Variants in ARFGEF1 observed in about 807,000 individuals in gnomAD.
The protein encoded by ARFGEF1 is ARF guanine nucleotide exchange factor 1, also known as brefeldin A-inhibited guanine nucleotide-exchange protein 1.
ARFGEF1 carries 42 observed loss-of-function variants against 231.0 expected under a neutral mutation model. That is an observed-to-expected ratio of 0.18 (90% CI 0.14 to 0.24). The LOEUF (loss-of-function observed/expected upper bound fraction) is 0.24. ARFGEF1 is among the 10% of genes least tolerant of loss of function. The pLI is 1.00. For synonymous variants in ARFGEF1, 710 were observed against 732.3 expected (o/e 0.97, Z 0.49); for missense variants, 1,345 against 2,192.0 (o/e 0.61, Z 7.72).
At chr8:67,223,947 C>T (rs1441339066) in intron 29 of ARFGEF1, among the ~76,000 whole-genome samples, 1 of 152,126 alleles carries the variant, frequency 6.6e-6, no homozygotes, top group Non-Finnish European at 1.5e-5. Context: ...ATTAAAATCC[C>T]TAAGGGTTAA....
intron 7 of ARFGEF1, among the ~76,000 whole-genome samples, chr8:67,285,827 T>A (rs1281341603): frequency 6.6e-6 from 1 of 152,020 alleles, no homozygotes; most frequent in Non-Finnish European, 1.5e-5. Flanking sequence ...AAAGAAACCA[T>A]CCAATAAATC....
chr8:67,222,685 A>G (rs1046059366), intron 29 of ARFGEF1, among the ~76,000 whole-genome samples: 1 of 152,048 alleles, frequency 6.6e-6, no homozygotes, highest in Admixed American at 6.5e-5. Flanking sequence ...TCCTGACCTC[A>G]GATGATCCGC....
At position 67,227,249 on chromosome 8, in the gene ARFGEF1, A is replaced by C. The variant is rs1839405618; in HGVS notation, c.3804T>G (p.Ala1268=). The change falls in exon 27 of 39, where the codon GCT becomes GCG. Residue 1268 remains alanine, a synonymous_variant. Coordinates refer to ENST00000262215, the MANE Select transcript of ARFGEF1 (RefSeq NM_006421.5). The part of the protein sequence containing the change: ...RCIAQMVNSQ[A]ANIRSGWKNI... ...TCTTCCATCCAGATCGAATGTTAGC[A>C]GCTTGAGAATTAACCATCTGTGCTA... 2 of 1,613,206 alleles carry C rather than the reference A, an allele frequency of 1.2e-6. No individual in the cohort carries two copies. The highest frequency in any genetic ancestry group is 1.7e-6 in the Non-Finnish European group (2 of 1,179,302).
chr8:67,217,058 A>G (rs576288815), intron 32 of ARFGEF1, among the ~76,000 whole-genome samples: 33 of 151,796 alleles, frequency 2.2e-4, no homozygotes, highest in African/African-American at 8.0e-4. Context: ...TAATCCCAGC[A>G]CTTTGGGAGG....
At chr8:67,222,225 G>GCA (rs1554636864) in intron 29 of ARFGEF1, among the ~76,000 whole-genome samples, 32 of 64,076 alleles carry the variant, frequency 5.0e-4, no homozygotes, top group African/African-American at 6.3e-4. Flanking sequence ...ATATATATAT[G>GCA]TATATGTATG....
intron 34 of ARFGEF1, among the ~76,000 whole-genome samples, chr8:67,206,805 G>A (rs1429612936): frequency 6.6e-6 from 1 of 152,234 alleles, no homozygotes; most frequent in Non-Finnish European, 1.5e-5. Flanking sequence ...AAAGGGAGCT[G>A]CCTACTAGAC....
chr8:67,230,979 A>T (rs953469428), intron 23 of ARFGEF1, among the ~76,000 whole-genome samples: 2 of 152,114 alleles, frequency 1.3e-5, no homozygotes, highest in African/African-American at 4.8e-5. Context: ...ACCAGAAGCT[A>T]TAAAGAACTA....
intron 1 of ARFGEF1, among the ~76,000 whole-genome samples, chr8:67,307,594 G>A (rs1456674245): frequency 6.6e-6 from 1 of 152,190 alleles, no homozygotes; most frequent in Non-Finnish European, 1.5e-5. Context: ...CAATGTGCAG[G>A]GGTAGAGCTG....
At chr8:67,312,161 T>C (rs278924) in intron 1 of ARFGEF1, among the ~76,000 whole-genome samples, 1 of 151,544 alleles carries the variant, frequency 6.6e-6, no homozygotes, top group Non-Finnish European at 1.5e-5. Context: ...GTTTATCTGC[T>C]GACCTTCCCT....
chr8:67,179,815 T>C, intron 5 of ARFGEF1: 5 of 1,335,116 alleles, frequency 3.7e-6, no homozygotes, highest in Non-Finnish European at 5.4e-6. Flanking sequence ...TTTGTTGTTT[T>C]TGTACACAAA....
intron 27 of ARFGEF1, among the ~76,000 whole-genome samples, 179 bp downstream of exon 27, chr8:67,226,958 A>G (rs943412273): frequency 2.4e-4 from 37 of 152,128 alleles, no homozygotes; most frequent in African/African-American, 8.9e-4. Context: ...CATATGGTAA[A>G]TACTCAATAA....
At chr8:67,196,678 C>T (rs1341250347), downstream of ARFGEF1, among the ~76,000 whole-genome samples, 1 of 152,134 alleles carries the variant, frequency 6.6e-6, no homozygotes, top group Non-Finnish European at 1.5e-5. Context: ...TTGCTTTACT[C>T]GTAAAAATTT....
At chr8:67,302,414 A>G (rs1483966289) in intron 2 of ARFGEF1, 22 bp downstream of exon 2, 17 of 1,555,120 alleles carry the variant, frequency 1.1e-5, no homozygotes, top group Admixed American at 4.1e-5. Context: ...TATTTTTACT[A>G]AAGAAAAGAA....
At chr8:67,339,541 G>A (rs1295508549) in intron 1 of ARFGEF1, among the ~76,000 whole-genome samples, 2 of 151,912 alleles carry the variant, frequency 1.3e-5, no homozygotes. Flanking sequence ...CTACCTTCAA[G>A]CCCAATCCCA....
chr8:67,256,112 A>G (rs1249280914), intron 17 of ARFGEF1, among the ~76,000 whole-genome samples: 1 of 150,280 alleles, frequency 6.7e-6, no homozygotes, highest in Non-Finnish European at 1.5e-5. Flanking sequence ...AAATCAAATG[A>G]AAAAATTAGA....
chr8:67,251,995 C>T (rs1840299781), intron 18 of ARFGEF1, among the ~76,000 whole-genome samples: 1 of 152,004 alleles, frequency 6.6e-6, no homozygotes, highest in South Asian at 2.1e-4. Flanking sequence ...TCTGGCTGGG[C>T]GTGGTGGCTC....
intron 1 of ARFGEF1, among the ~76,000 whole-genome samples, chr8:67,333,474 T>C (rs1414595009): frequency 6.7e-6 from 1 of 148,746 alleles, no homozygotes. Flanking sequence ...ACCCAGTAAT[T>C]TTTTTTTTTT....
chr8:67,238,305 G>C, intron 22 of ARFGEF1, 38 bp downstream of exon 22: 2 of 1,552,706 alleles, frequency 1.3e-6, no homozygotes, highest in East Asian at 4.6e-5. Flanking sequence ...TAATGAGGAA[G>C]TTAAAAACAA....
At chr8:67,188,309 G>A (rs972773546) in intron 5 of ARFGEF1, among the ~76,000 whole-genome samples, 2 of 152,146 alleles carry the variant, frequency 1.3e-5, no homozygotes, top group South Asian at 2.1e-4. Context: ...AATCTAGGCC[G>A]ACTAAGAATT....
Sources: allele counts gnomAD v4.1 joint callset (sites outside exome capture counted in the v4.1 genomes callset), GRCh38; gene constraint gnomAD v4.1.1; transcripts MANE v1.5; gene names NCBI Gene and HGNC (gene_info 2026-07-23, HGNC 2026-07-21).